PKD2: variants seen among roughly 807,000 people sequenced by gnomAD.
PKD2 encodes the protein polycystin-2.
Under a neutral mutation model 105.9 loss-of-function variants are expected in PKD2, and 48 were observed. The observed-to-expected ratio is 0.45, with a 90% CI of 0.36 to 0.58. PKD2 has a LOEUF of 0.58. PKD2 is among the 20% of genes least tolerant of loss of function. The pLI, the probability that PKD2 is intolerant of heterozygous loss-of-function variation, is 0.00. For missense variants in PKD2, 1,078 were observed against 1,255.3 expected (o/e 0.86, Z 2.13); for synonymous variants, 464 against 481.1 (o/e 0.96, Z 0.46).
Position 88,019,320 on chromosome 4 carries a change from A to G in PKD2, c.596-138A>G, listed in dbSNP as rs1286623972. 1.5e-4 allele frequency: 94 copies of G among 627,680 alleles called. No homozygotes were observed. In the Middle Eastern group the frequency reaches 1.7e-3, roughly 11 times the overall value. The allele number at this position is 627,680 out of a possible 1,614,324, so 38.9% of individuals were successfully genotyped here. The stretch of plus-strand genomic sequence containing the variant: ...AAAACCAGTTTCTCAGTTGCATTCA[A>G]AATGTGATTAAAAAAAAAAAAAGGA... On this transcript the variant is annotated intron_variant, in intron 1 of 14. Coordinates refer to ENST00000237596, the MANE Select transcript of PKD2 (RefSeq NM_000297.4).
chr4:88,074,585 A>G (rs1312767687), intron 13 of PKD2, among the ~76,000 whole-genome samples: 1 of 152,234 alleles, frequency 6.6e-6, no homozygotes, highest in Non-Finnish European at 1.5e-5. Flanking sequence ...TTAGGCATAC[A>G]TTCTTAAGAC....
chr4:88,061,167 A>G (rs1358565059), intron 9 of PKD2, among the ~76,000 whole-genome samples: 1 of 152,230 alleles, frequency 6.6e-6, no homozygotes, highest in African/African-American at 2.4e-5. Context: ...GAATAAGCAT[A>G]CAATTCTACT....
chr4:88,041,146 G>A (rs1727550288), intron 4 of PKD2, among the ~76,000 whole-genome samples: 1 of 152,176 alleles, frequency 6.6e-6, no homozygotes, highest in African/African-American at 2.4e-5. Context: ...TCTTTGTTCT[G>A]TTAATGGCAC....
At chr4:88,018,137 C>T (rs1726622084) in intron 1 of PKD2, among the ~76,000 whole-genome samples, 1 of 152,166 alleles carries the variant, frequency 6.6e-6, no homozygotes, top group Non-Finnish European at 1.5e-5. Flanking sequence ...CAGATCTTGG[C>T]AGAAGCAAAG....
chr4:88,014,258 TG>T (rs2110085136), intron 1 of PKD2, among the ~76,000 whole-genome samples: 1 of 152,258 alleles, frequency 6.6e-6, no homozygotes, highest in African/African-American at 2.4e-5. Flanking sequence ...AAGCAAATTT[TG>T]CGGGAGGTGA....
At chr4:88,028,721 A>G (rs1257657824) in intron 2 of PKD2, among the ~76,000 whole-genome samples, 1 of 152,224 alleles carries the variant, frequency 6.6e-6, no homozygotes, top group Non-Finnish European at 1.5e-5. Flanking sequence ...CAAACTGCCT[A>G]TCACTAGCCT....
Position 88,056,172 on chromosome 4 carries a change from T to C in PKD2, c.1803T>C (p.Ala601=). ...GTGCCAAAGACCTGTTTGGCTTTGC[T>C]ATTATGTTCTTCATTATTTTCCTAG... ...SRCAKDLFGF[A]IMFFIIFLAY... The change falls in exon 8 of 15, where the codon GCT becomes GCC. Residue 601 remains alanine, a synonymous_variant. Transcript: ENST00000237596. 2 of 1,613,654 alleles carry C rather than the reference T, an allele frequency of 1.2e-6. No individual in the cohort carries two copies. Among genetic ancestry groups the C allele is most frequent in the African/African-American group, 1.3e-5 (1 of 75,046 alleles).
At chr4:88,039,407 G>A (rs1483463035) in intron 4 of PKD2, among the ~76,000 whole-genome samples, 6 of 152,126 alleles carry the variant, frequency 3.9e-5, no homozygotes, top group African/African-American at 1.4e-4. Context: ...TCTCATGCCT[G>A]TAATCCCAGC....
chr4:88,029,965 A>T (rs894143186), intron 2 of PKD2, among the ~76,000 whole-genome samples: 8 of 152,198 alleles, frequency 5.3e-5, no homozygotes, highest in Admixed American at 4.6e-4. Context: ...GGCCTTGGTG[A>T]GGGATTTACA....
chr4:88,035,977 A>C (rs1305700317), intron 2 of PKD2: 2 of 551,790 alleles, frequency 3.6e-6, no homozygotes, highest in South Asian at 1.9e-5. Flanking sequence ...TTGATACTCA[A>C]TAGTAAGCCA....
chr4:88,050,275 G>A (rs867327228), intron 6 of PKD2, among the ~76,000 whole-genome samples: 5 of 151,980 alleles, frequency 3.3e-5, no homozygotes, highest in African/African-American at 4.8e-5. Flanking sequence ...CGCCTGGCCC[G>A]ACTAATTCAT....
At chr4:88,034,847 A>G (rs900165277) in intron 2 of PKD2, among the ~76,000 whole-genome samples, 6 of 152,214 alleles carry the variant, frequency 3.9e-5, no homozygotes, top group Middle Eastern at 3.2e-3. Flanking sequence ...AAAAATGTAT[A>G]GAACATGTTT....
intron 7 of PKD2, among the ~76,000 whole-genome samples, chr4:88,055,153 T>G (rs1720277301): frequency 6.6e-6 from 1 of 152,200 alleles, no homozygotes; most frequent in African/African-American, 2.4e-5. Context: ...GAGCAGGCTT[T>G]GCAGTTCAGG....
At chr4:88,020,746 G>C (rs1376934438) in intron 2 of PKD2, among the ~76,000 whole-genome samples, 1 of 150,652 alleles carries the variant, frequency 6.6e-6, no homozygotes, top group Non-Finnish European at 1.5e-5. Context: ...CCGGAGTGCA[G>C]TGGCACAATC....
In PKD2 at chr4:88,007,824, G is replaced by A; in HGVS notation, c.91G>A (p.Ala31Thr). Residue 31 changes from alanine (A) to threonine (T), a missense_variant, in exon 1 of 15, where the codon GCT becomes ACT. Around this residue, in one of 2 missense-constraint regions of PKD2, gnomAD observed 210 missense variants for 187.9 expected, o/e 1.12. Transcript: ENST00000237596. ...PRAPDPGRLM[A>T]GCAAVGASLA... ...CGCGCCGGACCCGGGCCGGCTGATG[G>A]CTGGCTGCGCGGCCGTGGGCGCCAG... 1 of 1,186,362 alleles carries A rather than the reference G, an allele frequency of 8.4e-7. No homozygotes were observed. The highest frequency in any genetic ancestry group is 1.0e-6 in the Non-Finnish European group (1 of 960,802). 73.5% of individuals were successfully genotyped at this position (1,186,362 alleles called of 1,614,324 possible).
chr4:88,073,188 TAAAAAAAA>T (rs370425542), intron 13 of PKD2, among the ~76,000 whole-genome samples: 2 of 115,924 alleles, frequency 1.7e-5, no homozygotes, highest in Non-Finnish European at 3.6e-5. Flanking sequence ...TTGTCTCTAT[TAAAAAAAA>T]AAAAAAAAAA....
chr4:88,009,656 T>C (rs1224572166), intron 1 of PKD2, among the ~76,000 whole-genome samples: 1 of 152,260 alleles, frequency 6.6e-6, no homozygotes, highest in East Asian at 1.9e-4. Flanking sequence ...ATTCTTATAC[T>C]AGTTAATTTT....
chr4:88,030,249 A>G (rs1369132291), intron 2 of PKD2, among the ~76,000 whole-genome samples: 1 of 151,986 alleles, frequency 6.6e-6, no homozygotes, highest in African/African-American at 2.4e-5. Flanking sequence ...GGCTCAAGAG[A>G]TCCTCCTGCC....
chr4:88,033,732 A>G (rs1189936256), intron 2 of PKD2, among the ~76,000 whole-genome samples: 2 of 152,248 alleles, frequency 1.3e-5, no homozygotes, highest in Non-Finnish European at 2.9e-5. Flanking sequence ...AACCACAGTA[A>G]ACCCACAGGT....
Sources: allele counts gnomAD v4.1 joint callset (sites outside exome capture counted in the v4.1 genomes callset), GRCh38; gene constraint gnomAD v4.1.1; regional missense constraint gnomAD v4.1.1; transcripts MANE v1.5; gene names NCBI Gene and HGNC (gene_info 2026-07-23, HGNC 2026-07-21).